PCED1B: variants seen among roughly 807,000 people sequenced by gnomAD.
The protein encoded by PCED1B is PC-esterase domain containing 1B, also known as PC-esterase domain-containing protein 1B.
For missense variants in PCED1B, 573 were observed against 573.9 expected, an observed-to-expected ratio of 1.00 and a Z score of 0.02; for synonymous variants, 251 against 246.1, an observed-to-expected ratio of 1.02 and a Z score of -0.19.
chr12:47,170,057 T>C (rs1359760213), intron 2 of PCED1B, among the ~76,000 whole-genome samples: 1 of 152,134 alleles, frequency 6.6e-6, no homozygotes, highest in African/African-American at 2.4e-5. Flanking sequence ...TCCACAGCGT[T>C]TGTGTCCCTG....
intron 2 of PCED1B, among the ~76,000 whole-genome samples, chr12:47,179,109 A>T (rs1917659): frequency 0.93 from 141,518 of 152,250 alleles, 66,367 homozygotes; most frequent in Non-Finnish European, 0.99. Flanking sequence ...CTTTGTAAAA[A>T]GCCCAATTAT....
At chr12:47,231,842 G>T (rs1425815298) in intron 3 of PCED1B, among the ~76,000 whole-genome samples, 1 of 152,192 alleles carries the variant, frequency 6.6e-6, no homozygotes, top group Admixed American at 6.5e-5. Context: ...CCCAGGGAAG[G>T]CACATCGAGC....
At chr12:47,197,238 C>CAAAA (rs57095369) in intron 2 of PCED1B, among the ~76,000 whole-genome samples, 5 of 58,590 alleles carry the variant, frequency 8.5e-5, no homozygotes, top group Non-Finnish European at 1.5e-4. Flanking sequence ...GACTCTGTCT[C>CAAAA]AAAAAAAAAA....
intron 2 of PCED1B, among the ~76,000 whole-genome samples, chr12:47,173,992 G>A (rs1941837405): frequency 6.6e-6 from 1 of 152,142 alleles, no homozygotes; most frequent in African/African-American, 2.4e-5. Flanking sequence ...ATAAATGTTA[G>A]GGAGGGGCCA....
intron 3 of PCED1B, among the ~76,000 whole-genome samples, chr12:47,227,263 C>T (rs1225172827): frequency 6.6e-6 from 1 of 152,088 alleles, no homozygotes; most frequent in East Asian, 1.9e-4. Context: ...TCTCCACCTC[C>T]CGGGTTCAAG....
chr12:47,113,515 C>A (rs1315103187), intron 2 of PCED1B, among the ~76,000 whole-genome samples: 1 of 152,176 alleles, frequency 6.6e-6, no homozygotes, highest in Non-Finnish European at 1.5e-5. Flanking sequence ...TGATGACGCT[C>A]CTGCTTCAAA....
chr12:47,215,106 C>CT (rs927074551), intron 2 of PCED1B, among the ~76,000 whole-genome samples: 3 of 151,716 alleles, frequency 2.0e-5, no homozygotes, highest in African/African-American at 4.8e-5. Flanking sequence ...TTCTCTCTCT[C>CT]TTTTTTTTCT....
intron 2 of PCED1B, among the ~76,000 whole-genome samples, chr12:47,126,482 C>T (rs1939892889): frequency 6.6e-6 from 1 of 152,040 alleles, no homozygotes; most frequent in Admixed American, 6.6e-5. Context: ...CTTACAACAT[C>T]TTTGGTTTTG....
intron 2 of PCED1B, among the ~76,000 whole-genome samples, chr12:47,194,736 CTATT>C (rs1179572003): frequency 1.3e-5 from 2 of 152,090 alleles, no homozygotes; most frequent in Non-Finnish European, 2.9e-5. Flanking sequence ...GTTCCATGTG[CTATT>C]TAAAGAACAG....
At chr12:47,111,197 G>A (rs1014579323) in intron 2 of PCED1B, among the ~76,000 whole-genome samples, 1 of 152,058 alleles carries the variant, frequency 6.6e-6, no homozygotes, top group African/African-American at 2.4e-5. Flanking sequence ...AAGCCACAAG[G>A]ACATAAAGAT....
intron 2 of PCED1B, among the ~76,000 whole-genome samples, chr12:47,187,074 A>C (rs539568872): frequency 6.6e-5 from 10 of 152,154 alleles, no homozygotes; most frequent in Non-Finnish European, 1.3e-4. Flanking sequence ...GGTAGTGCCT[A>C]TCACACTTGA....
chr12:47,091,477 A>G (rs1938263336), intron 1 of PCED1B, among the ~76,000 whole-genome samples: 1 of 152,086 alleles, frequency 6.6e-6, no homozygotes, highest in South Asian at 2.1e-4. Context: ...ATATATGTTA[A>G]TATTTTTCTC....
At chr12:47,098,885 C>G (rs1938588777) in intron 1 of PCED1B, among the ~76,000 whole-genome samples, 1 of 152,184 alleles carries the variant, frequency 6.6e-6, no homozygotes, top group Non-Finnish European at 1.5e-5. Flanking sequence ...GAGTTTCAGT[C>G]TCTCTCTTTC....
At chr12:47,150,634 A>G (rs1307999811) in intron 2 of PCED1B, among the ~76,000 whole-genome samples, 1 of 151,734 alleles carries the variant, frequency 6.6e-6, no homozygotes, top group Non-Finnish European at 1.5e-5. Context: ...GCCTGAAGGA[A>G]GTGGGGGACT....
chr12:47,136,856 T>C (rs948786648), intron 2 of PCED1B, among the ~76,000 whole-genome samples: 1 of 152,212 alleles, frequency 6.6e-6, no homozygotes, highest in African/African-American at 2.4e-5. Flanking sequence ...AGAAGCATGA[T>C]ATAAAAAGGC....
At chr12:47,227,110 G>T (rs1943653593) in intron 3 of PCED1B, among the ~76,000 whole-genome samples, 1 of 151,994 alleles carries the variant, frequency 6.6e-6, no homozygotes, top group Non-Finnish European at 1.5e-5. Flanking sequence ...TCTTTATCAA[G>T]AACTTCATTT....
At chr12:47,120,439 A>G (rs1169671409) in intron 2 of PCED1B, among the ~76,000 whole-genome samples, 1 of 152,212 alleles carries the variant, frequency 6.6e-6, no homozygotes, top group Non-Finnish European at 1.5e-5. Flanking sequence ...TCAAATGTCC[A>G]TCAACTGATG....
chr12:47,107,935 A>G (rs938983741), intron 2 of PCED1B, among the ~76,000 whole-genome samples: 10 of 152,166 alleles, frequency 6.6e-5, no homozygotes, highest in African/African-American at 2.4e-4. Context: ...AGACATTTAA[A>G]TTTTCTGGAC....
At chr12:47,121,896 G>A (rs1443040055) in intron 2 of PCED1B, among the ~76,000 whole-genome samples, 2 of 151,930 alleles carry the variant, frequency 1.3e-5, no homozygotes, top group Non-Finnish European at 2.9e-5. Flanking sequence ...GCCGGGTATG[G>A]TGGTGGGCGC....
Sources: gnomAD v4.1 joint callset for allele counts (sites outside exome capture counted in the v4.1 genomes callset) on GRCh38, gnomAD v4.1.1 for gene constraint, MANE v1.5 for transcripts, NCBI Gene and HGNC (gene_info 2026-07-23, HGNC 2026-07-21) for gene names.